The following POLR2H variants were observed in gnomAD, a reference collection of about 807,000 sequenced individuals.
POLR2H encodes DNA-directed RNA polymerases I, II, and III subunit RPABC3.
Under a neutral mutation model 18.1 loss-of-function variants are expected in POLR2H, and 3 were observed. The observed-to-expected ratio is 0.17, with a 90% CI of 0.08 to 0.43. The LOEUF (loss-of-function observed/expected upper bound fraction) is 0.43, where lower values mean the gene tolerates loss of function less well. POLR2H is among the 20% of genes least tolerant of loss of function. The pLI, the probability that POLR2H is intolerant of heterozygous loss-of-function variation, is 0.99. For synonymous variants in POLR2H, 76 were observed against 69.0 expected (o/e 1.10, Z -0.50); for missense variants, 103 against 184.6 (o/e 0.56, Z 2.56).
chr3:184,362,049 G>T lies in POLR2H; in HGVS notation c.-718G>T, dbSNP rs1712220182. 2 of 152,414 alleles carry T rather than the reference G, an allele frequency of 1.3e-5. No individual in the cohort carries two copies. The highest frequency in any genetic ancestry group is 4.8e-5 in the African/African-American group (2 of 41,474). 9.4% of individuals were successfully genotyped at this position (152,414 alleles called of 1,614,324 possible). A position where few individuals can be genotyped will look rare whatever the true frequency, so the allele number is the denominator to read the frequency against. ...GAGCGGCCCAGACAGGCCTGGGAAG[G>T]CCCCTCTGCCCCGTCAGGGGTGAAA... On this transcript the variant is annotated 5_prime_UTR_variant, in exon 1 of 6. Coordinates refer to ENST00000456318, the MANE Select transcript of POLR2H (RefSeq NM_006232.5). The surrounding 1 kb of genome is among the most constrained non-coding windows in gnomAD (Gnocchi z 5.9).
chr3:184,365,719 A>G (rs946279257), intron 4 of POLR2H, among the ~76,000 whole-genome samples: 2 of 151,810 alleles, frequency 1.3e-5, no homozygotes, highest in African/African-American at 2.4e-5. Context: ...CACGCCTGTA[A>G]TCCCAGCACT....
chr3:184,365,396 C>T (rs903359860), intron 4 of POLR2H, 170 bp downstream of exon 4: 3 of 634,484 alleles, frequency 4.7e-6, no homozygotes, highest in East Asian at 2.7e-5. Flanking sequence ...CACCGTGGCT[C>T]ACACCTGTAA....
chr3:184,361,941 C>T lies in POLR2H; in HGVS notation c.-826C>T, dbSNP rs1228952868. ...CGCCTGAGCTCCGTAGGGGTTGGGG[C>T]TGGGGGCTGCGGAGCTGTCTACATC... is the stretch of plus-strand genomic sequence containing the variant. On this transcript the variant is annotated 5_prime_UTR_variant, in exon 1 of 6. Coordinates refer to ENST00000456318, the MANE Select transcript of POLR2H (RefSeq NM_006232.5). The surrounding 1 kb of genome is among the most constrained non-coding windows in gnomAD (Gnocchi z 6.6). The T allele has an allele frequency of 6.5e-6, 1 of 152,698 alleles. No individual in the cohort carries two copies. The highest frequency in any genetic ancestry group is 1.5e-5 in the Non-Finnish European group (1 of 68,436). 9.5% of individuals were successfully genotyped at this position (152,698 alleles called of 1,614,324 possible). A position where few individuals can be genotyped will look rare whatever the true frequency, so the allele number is the denominator to read the frequency against.
intron 5 of POLR2H, 124 bp downstream of exon 5, chr3:184,366,924 A>G (rs894625504): frequency 9.0e-6 from 6 of 665,822 alleles, no homozygotes; most frequent in African/African-American, 9.0e-5. Flanking sequence ...GGAACTAGAA[A>G]GAAATAGTTC....
chr3:184,364,833 G>T (rs1381338125), intron 2 of POLR2H, 133 bp from the exon 3 acceptor site: 4 of 655,226 alleles, frequency 6.1e-6, no homozygotes. Flanking sequence ...GATTGAGCCT[G>T]AATTTCTATG....
At chr3:184,363,660 C>G in intron 2 of POLR2H, 95 bp downstream of exon 2, 1 of 908,418 alleles carries the variant, frequency 1.1e-6, no homozygotes, top group South Asian at 1.4e-5. Context: ...TGGCCTGCCC[C>G]TACCAGCAGG....
intron 4 of POLR2H, among the ~76,000 whole-genome samples, chr3:184,365,817 CAAA>C (rs766789138): frequency 1.3e-5 from 2 of 148,906 alleles, no homozygotes; most frequent in African/African-American, 4.9e-5. Flanking sequence ...ACTAAAAATA[CAAA>C]AAAAAATTAG....
In POLR2H at chr3:184,364,985, G is replaced by A. The variant is rs751819995; in HGVS notation, c.93G>A (p.Glu31=). Residue 31 remains glutamate (E), a synonymous_variant, in exon 3 of 6, where the codon GAG becomes GAA. Transcript: ENST00000456318. ...KFDRVSRLHC[E]SESFKMDLIL... is the part of the protein sequence containing the mutation. ...CCCCAGTGTCTCGACTGCATTGTGAGAGTGAATCTTTCAAGATGGATCTAA... is the reference window on the plus strand; with the variant it reads ...CCCCAGTGTCTCGACTGCATTGTGAAAGTGAATCTTTCAAGATGGATCTAA... The A allele has an allele frequency of 1.9e-6, 3 of 1,611,474 alleles. No individual in the cohort carries two copies. The highest frequency in any genetic ancestry group is 2.5e-6 in the Non-Finnish European group (3 of 1,177,534).
At chr3:184,368,081 A>T (rs1713641181) in intron 5 of POLR2H, 96 bp from the exon 6 acceptor site, 9 of 1,596,152 alleles carry the variant, frequency 5.6e-6, no homozygotes, top group Non-Finnish European at 6.8e-6. Flanking sequence ...CTAGTGACAC[A>T]ACAGTAGGAA....
At chr3:184,364,089 C>G (rs1176020458) in intron 2 of POLR2H, among the ~76,000 whole-genome samples, 1 of 152,220 alleles carries the variant, frequency 6.6e-6, no homozygotes, top group Non-Finnish European at 1.5e-5. Context: ...TGGTGCCTTT[C>G]CCATTTTTCT....
chr3:184,365,091 C>G (rs1389069898), intron 3 of POLR2H, 42 bp downstream of exon 3: 2 of 1,580,532 alleles, frequency 1.3e-6, no homozygotes, highest in East Asian at 4.5e-5. Flanking sequence ...CTTTTTGCTG[C>G]TTCTGCTATT....
chr3:184,364,872 A>G, intron 2 of POLR2H, 94 bp from the exon 3 acceptor site: 2 of 805,132 alleles, frequency 2.5e-6, no homozygotes, highest in Non-Finnish European at 4.3e-6. Context: ...CTGGATGTAG[A>G]CTGGGTTAGA....
In POLR2H at chr3:184,365,215, T is replaced by C. The variant is rs1331256261; in HGVS notation, c.240T>C (p.Asp80=). 5.0e-6 allele frequency: 8 copies of C among 1,604,562 alleles called. No individual in the cohort carries two copies. The highest frequency in any genetic ancestry group is 2.2e-5 in the East Asian group (1 of 44,846). ...ATGGTGAATACAACCCCACTGATGA[T>C]AGGCCTTCCAGGTGAGGGAGTGGAG... ...LDDGEYNPTD[D]RPSRADQFEY... is the part of the protein sequence containing the mutation. Residue 80 remains aspartate (D), a synonymous_variant, in exon 4 of 6, where the codon GAT becomes GAC. Transcript: ENST00000456318.
intron 4 of POLR2H, among the ~76,000 whole-genome samples, chr3:184,366,021 T>A (rs1713211542): frequency 6.6e-6 from 1 of 151,660 alleles, no homozygotes; most frequent in Non-Finnish European, 1.5e-5. Flanking sequence ...CAGGTATTTA[T>A]CTATAACAGT....
At position 184,363,427 on chromosome 3, in the gene POLR2H, G is replaced by A. The variant is rs927342204; in HGVS notation, c.-66G>A. On this transcript the variant is annotated 5_prime_UTR_variant, in exon 2 of 6. Coordinates refer to ENST00000456318, the MANE Select transcript of POLR2H (RefSeq NM_006232.5). Reference sequence around the variant, plus strand: ...TCTCTCCGGTCTTGTCCACGCTAGGGGGTGCACGTACTCCCAACTGTGGTC... The same window carrying A: ...TCTCTCCGGTCTTGTCCACGCTAGGAGGTGCACGTACTCCCAACTGTGGTC... 6.8e-6 allele frequency: 9 copies of A among 1,316,864 alleles called. No homozygotes were observed. The highest frequency in any genetic ancestry group is 1.8e-4 in the Middle Eastern group (1 of 5,558). 81.6% of individuals were successfully genotyped at this position (1,316,864 alleles called of 1,614,324 possible).
rs1186109619 is a variant in POLR2H, at chr3:184,363,380, G to A, written c.-113G>A. The A allele has an allele frequency of 1.5e-5, 13 of 870,820 alleles. No homozygotes were observed. In the Admixed American group the frequency reaches 1.8e-4, roughly 12 times the overall value. The allele number at this position is 870,820 out of a possible 1,614,324, so 53.9% of individuals were successfully genotyped here. The stretch of plus-strand genomic sequence containing the variant: ...TGCGCCACTCTCGTCTGGCCGCCGC[G>A]CTTTCAGGAGGTGCTTTTGGTTCTC... On this transcript the variant is annotated 5_prime_UTR_variant, in exon 2 of 6. Transcript: ENST00000456318.
intron 3 of POLR2H, 34 bp from the exon 4 acceptor site, chr3:184,365,099 A>C (rs761338361): frequency 1.9e-6 from 3 of 1,584,864 alleles, no homozygotes; most frequent in East Asian, 4.5e-5. Context: ...TGCTTCTGCT[A>C]TTCTTTACTC....
chr3:184,365,702 G>A (rs1003508181), intron 4 of POLR2H, among the ~76,000 whole-genome samples: 3 of 150,154 alleles, frequency 2.0e-5, no homozygotes, highest in Non-Finnish European at 4.4e-5. Context: ...GGCCGGGCGC[G>A]GTGGCTCACG....
In POLR2H at chr3:184,363,482, G is replaced by GC. The variant is rs763291970; in HGVS notation, c.-6dup. 5 of 1,612,570 alleles carry GC rather than the reference G, an allele frequency of 3.1e-6. No individual in the cohort carries two copies. The highest frequency in any genetic ancestry group is 4.2e-6 in the Non-Finnish European group (5 of 1,178,714). ...TCTCACCCCTTCTGCTGCTCTCGTG[G>GC]CCCCCTCGCGATGGCGGGCATCCTG... On this transcript the variant is annotated 5_prime_UTR_variant, in exon 2 of 6. Coordinates refer to ENST00000456318, the MANE Select transcript of POLR2H (RefSeq NM_006232.5).
Sources: allele counts gnomAD v4.1 joint callset (sites outside exome capture counted in the v4.1 genomes callset), GRCh38; gene constraint gnomAD v4.1.1; non-coding constraint Gnocchi (gnomAD v3.1); transcripts MANE v1.5; gene names NCBI Gene and HGNC (gene_info 2026-07-23, HGNC 2026-07-21).